The following ABCA5 variants were observed in gnomAD, a reference collection of about 807,000 sequenced individuals.
ABCA5 encodes cholesterol transporter ABCA5.
Under a neutral mutation model 206.0 loss-of-function variants are expected in ABCA5, and 163 were observed. The observed-to-expected ratio is 0.79, with a 90% confidence interval of 0.70 to 0.90. ABCA5 has a LOEUF of 0.90. ABCA5 is among the 40% of genes least tolerant of loss of function. The probability of loss-of-function intolerance (pLI) is 0.00; values close to 1 mark genes in which losing one functional copy is unlikely to be tolerated. For missense variants in ABCA5, 1,859 were observed against 1,912.9 expected, an observed-to-expected ratio of 0.97 and a Z score of 0.53; for synonymous variants, 609 against 613.8, an observed-to-expected ratio of 0.99 and a Z score of 0.11.
intron 18 of ABCA5, among the ~76,000 whole-genome samples, chr17:69,279,167 T>A (rs373693097): frequency 0.042 from 6,457 of 152,280 alleles, 183 homozygotes; most frequent in Non-Finnish European, 0.066. Context: ...CTCCTTCAGC[T>A]GATAGGCAAC....
intron 18 of ABCA5, among the ~76,000 whole-genome samples, chr17:69,283,536 G>A (rs1317217163): frequency 6.6e-6 from 1 of 152,140 alleles, no homozygotes; most frequent in Non-Finnish European, 1.5e-5. Context: ...ATCCCTTTGA[G>A]TATCCTCCTG....
intron 22 of ABCA5, 34 bp from the exon 23 acceptor site, chr17:69,268,090 G>T: frequency 1.0e-6 from 1 of 988,692 alleles, no homozygotes; most frequent in South Asian, 1.4e-5. Flanking sequence ...AAATGGAACT[G>T]AGAATCATTT....
At position 69,261,706 on chromosome 17, in the gene ABCA5, T is replaced by C; in HGVS notation, c.3358A>G (p.Thr1120Ala). ...IGYVPSVILF[T>A]YIASFTFKKI... Reference sequence around the variant, plus strand: ...TTAAAGGTGAAAGAAGCAATATAAGTGAACAGAATAACTGATGGAACATAA... The same window carrying C: ...TTAAAGGTGAAAGAAGCAATATAAGCGAACAGAATAACTGATGGAACATAA... Residue 1120 changes from threonine (T) to alanine (A), a missense_variant, in exon 25 of 39, where the codon ACT (threonine) becomes GCT (alanine). Coordinates refer to ENST00000392676, the MANE Select transcript of ABCA5 (RefSeq NM_172232.4). The C allele has an allele frequency of 6.6e-7, 1 of 1,513,668 alleles. No individual in the cohort carries two copies. The highest frequency in any genetic ancestry group is 8.9e-7 in the Non-Finnish European group (1 of 1,129,236). 93.8% of individuals were successfully genotyped at this position (1,513,668 alleles called of 1,614,324 possible).
intron 1 of ABCA5, among the ~76,000 whole-genome samples, chr17:69,324,128 G>T (rs1014956499): frequency 1.3e-5 from 2 of 152,158 alleles, no homozygotes; most frequent in African/African-American, 4.8e-5. Flanking sequence ...AAGAAGAGGG[G>T]AAGTGAGAAA....
At chr17:69,278,897 G>A (rs1415586058) in intron 18 of ABCA5, among the ~76,000 whole-genome samples, 3 of 151,026 alleles carry the variant, frequency 2.0e-5, no homozygotes, top group Non-Finnish European at 4.4e-5. Flanking sequence ...AAAATAATAA[G>A]AGCTATCTAT....
chr17:69,320,743 T>C (rs1448488001), intron 1 of ABCA5, among the ~76,000 whole-genome samples: 2 of 152,230 alleles, frequency 1.3e-5, no homozygotes, highest in East Asian at 3.8e-4. Context: ...ACCCTCCTCT[T>C]TGCCTGCTGC....
In ABCA5 at chr17:69,281,295, AAAG is replaced by A. The variant is rs1252386691; in HGVS notation, c.2392+2655_2392+2657del. Among the ~76,000 whole-genome samples the A allele has an allele frequency of 2.6e-5, 4 of 151,448 alleles. 1 individual carries two copies. The East Asian group carries it at 7.7e-4, about 29-fold the overall frequency. ...TTTTTTAATTTAGATAATAATATAA[AAAG>A]AAATCAGATTATATAATATTAATTT... On this transcript the variant is annotated intron_variant, in intron 18 of 38. Transcript: ENST00000392676.
chr17:69,325,161 T>C (rs1181791218), intron 1 of ABCA5, among the ~76,000 whole-genome samples: 1 of 100,362 alleles, frequency 1.0e-5, no homozygotes. Flanking sequence ...AAAAAAAAAA[T>C]AGCCAGGCGT....
chr17:69,321,346 G>A (rs1382534115), intron 1 of ABCA5, among the ~76,000 whole-genome samples: 1 of 152,160 alleles, frequency 6.6e-6, no homozygotes, highest in Non-Finnish European at 1.5e-5. Context: ...AAACAGGGCT[G>A]CAAAGTTACA....
chr17:69,325,517 A>G (rs151245614), intron 1 of ABCA5, among the ~76,000 whole-genome samples: 3 of 152,332 alleles, frequency 2.0e-5, no homozygotes, highest in African/African-American at 7.2e-5. Flanking sequence ...GACTTAGTAC[A>G]ATATCATAAA....
intron 18 of ABCA5, among the ~76,000 whole-genome samples, chr17:69,281,997 C>T (rs974102577): frequency 5.9e-5 from 9 of 152,126 alleles, no homozygotes; most frequent in Non-Finnish European, 1.0e-4. Flanking sequence ...ATTTTGCTAA[C>T]CTTCGATCAT....
intron 7 of ABCA5, chr17:69,304,078 C>A (rs572834301): frequency 2.0e-5 from 3 of 150,740 alleles, no homozygotes; most frequent in African/African-American, 7.3e-5. Context: ...AAAAACCAGG[C>A]AATTACATAT....
Position 69,247,333 on chromosome 17 carries a change from CA to C in ABCA5, c.*203del, listed in dbSNP as rs9282551. The stretch of plus-strand genomic sequence containing the variant: ...ATAGTTCAATATACTTCAATACAAA[CA>C]TGCAGCTTCACTTAATTATACATAC... On this transcript the variant is annotated 3_prime_UTR_variant, in exon 39 of 39. Coordinates refer to ENST00000392676, the MANE Select transcript of ABCA5 (RefSeq NM_172232.4). 8.2e-5 allele frequency: 39 copies of C among 473,576 alleles called. 1 individual carries two copies. The highest frequency in any genetic ancestry group is 4.0e-4 in the South Asian group (13 of 32,814). 29.3% of individuals were successfully genotyped at this position (473,576 alleles called of 1,614,324 possible).
In ABCA5 at chr17:69,302,702, T is replaced by A. The variant is rs1192561947; in HGVS notation, c.1119+16A>T. The A allele has an allele frequency of 6.9e-7, 1 of 1,449,668 alleles. No homozygotes were observed. The highest frequency in any genetic ancestry group is 2.5e-5 in the East Asian group (1 of 40,296). 89.8% of individuals were successfully genotyped at this position (1,449,668 alleles called of 1,614,324 possible). A position where few individuals can be genotyped will look rare whatever the true frequency, so the allele number is the denominator to read the frequency against. ...AAGAAAATATTTAGTGAATGCAAGA[T>A]TAATATATTACCTACCTGTGCAATA... On this transcript the variant is annotated intron_variant, in intron 8 of 38. Coordinates refer to ENST00000392676, the MANE Select transcript of ABCA5 (RefSeq NM_172232.4).
In ABCA5 at chr17:69,255,729, C is replaced by T; in HGVS notation, c.3976+4G>A. On this transcript the variant is annotated splice_donor_region_variant and intron_variant, in intron 30 of 38. Transcript: ENST00000392676. The stretch of plus-strand genomic sequence containing the variant: ...AGTTATGTAAGGAAAAATTAAATAC[C>T]AGCCTTTTTTCACACAGAAAGAGAT... 6.3e-7 allele frequency: 1 copy of T among 1,579,310 alleles called. No homozygotes were observed.
chr17:69,253,735 TA>T, intron 33 of ABCA5, 58 bp downstream of exon 33: 1 of 1,572,182 alleles, frequency 6.4e-7, no homozygotes, highest in Non-Finnish European at 8.7e-7. Flanking sequence ...ATCAAGACAA[TA>T]TCAGGTACTA....
At chr17:69,293,311 T>TA (rs1375107350) in intron 11 of ABCA5, among the ~76,000 whole-genome samples, 5 of 152,102 alleles carry the variant, frequency 3.3e-5, no homozygotes, top group African/African-American at 1.2e-4. Context: ...AGGCAAGAGT[T>TA]AAAGTTGCCA....
chr17:69,277,534 T>G, intron 19 of ABCA5, 107 bp downstream of exon 19: 1 of 878,690 alleles, frequency 1.1e-6, no homozygotes, highest in Non-Finnish European at 1.6e-6. Context: ...CTTTCGAAAC[T>G]ATATAAATTA....
At chr17:69,301,883 A>G (rs953621655) in intron 8 of ABCA5, among the ~76,000 whole-genome samples, 7 of 152,156 alleles carry the variant, frequency 4.6e-5, no homozygotes, top group African/African-American at 1.7e-4. Context: ...TATAAAATGA[A>G]GAAGATAAAT....
Sources: gnomAD v4.1 joint callset for allele counts (sites outside exome capture counted in the v4.1 genomes callset) on GRCh38, gnomAD v4.1.1 for gene constraint, MANE v1.5 for transcripts, NCBI Gene and HGNC (gene_info 2026-07-23, HGNC 2026-07-21) for gene names.